Variants in EPHA3 observed in about 807,000 individuals in gnomAD.
EPHA3 encodes EPH receptor A3, also known as ephrin type-A receptor 3.
A neutral mutation model predicts 107.1 loss-of-function variants in EPHA3; 42 were observed. That is an observed-to-expected ratio of 0.39 (90% confidence interval 0.31 to 0.51). The LOEUF (loss-of-function observed/expected upper bound fraction) is 0.51, where lower values mean the gene tolerates loss of function less well. Ranked by LOEUF, EPHA3 falls within the 20% of genes least tolerant of loss-of-function variation. EPHA3 has a pLI of 0.78. For synonymous variants in EPHA3, 461 were observed against 424.8 expected, an observed-to-expected ratio of 1.09 and a Z score of -1.05; for missense variants, 1,183 against 1,211.2, an observed-to-expected ratio of 0.98 and a Z score of 0.35.
At chr3:89,296,275 G>A (rs1338499716) in intron 3 of EPHA3, among the ~76,000 whole-genome samples, 1 of 152,088 alleles carries the variant, frequency 6.6e-6, no homozygotes, top group Non-Finnish European at 1.5e-5. Flanking sequence ...ATTTGTCAGA[G>A]GAATCACTAT....
intron 2 of EPHA3, among the ~76,000 whole-genome samples, chr3:89,141,584 G>A (rs1342448894): frequency 6.6e-6 from 1 of 151,524 alleles, no homozygotes; most frequent in Non-Finnish European, 1.5e-5. Context: ...CCTTGCTAAT[G>A]GTGCTTGTCC....
At chr3:89,433,998 G>A (rs567276560) in intron 13 of EPHA3, among the ~76,000 whole-genome samples, 1 of 152,132 alleles carries the variant, frequency 6.6e-6, no homozygotes, top group Non-Finnish European at 1.5e-5. Context: ...CTTTTTCTAA[G>A]GCTATCCCTC....
At chr3:89,402,023 C>A (rs912443993) in intron 7 of EPHA3, among the ~76,000 whole-genome samples, 1 of 152,148 alleles carries the variant, frequency 6.6e-6, no homozygotes, top group African/African-American at 2.4e-5. Context: ...AGGCAAAAAG[C>A]TCAGATCACT....
chr3:89,335,718 A>C (rs1707377929), intron 3 of EPHA3, among the ~76,000 whole-genome samples: 1 of 152,198 alleles, frequency 6.6e-6, no homozygotes, highest in Non-Finnish European at 1.5e-5. Flanking sequence ...ATCTTCTTAC[A>C]AAATGGGAGA....
intron 2 of EPHA3, among the ~76,000 whole-genome samples, chr3:89,173,235 T>C (rs770242281): frequency 2.6e-4 from 39 of 152,136 alleles, no homozygotes; most frequent in Non-Finnish European, 5.3e-4. Context: ...TTGTATCCTT[T>C]GTTTGTTTTG....
At chr3:89,212,677 C>A (rs1384868539) in intron 3 of EPHA3, among the ~76,000 whole-genome samples, 2 of 151,562 alleles carry the variant, frequency 1.3e-5, no homozygotes, top group Non-Finnish European at 2.9e-5. Flanking sequence ...GATGAGGACG[C>A]TAATGGCTTT....
At chr3:89,370,235 T>TA (rs1352962567) in intron 5 of EPHA3, among the ~76,000 whole-genome samples, 4 of 148,286 alleles carry the variant, frequency 2.7e-5, no homozygotes, top group African/African-American at 9.7e-5. Flanking sequence ...ATATTCACCA[T>TA]AGCAAAGACT....
At chr3:89,325,475 T>C (rs1357168963) in intron 3 of EPHA3, among the ~76,000 whole-genome samples, 2 of 152,148 alleles carry the variant, frequency 1.3e-5, no homozygotes, top group Non-Finnish European at 1.5e-5. Context: ...TAACACTTAA[T>C]GTAGAAAAAC....
rs1164056787 is a variant in EPHA3, at chr3:89,160,548, TTGTGTGTG to T, written c.153+33310_153+33317del. On this transcript the variant is annotated intron_variant, in intron 2 of 16. Transcript: ENST00000336596. ...AGTCAGAGAAAAGTAATATTAGATT[TTGTGTGTG>T]TGTGTGTGTGTGTGTGTGTGTGTGT... Among the ~76,000 whole-genome samples, 83 of 120,538 alleles carry T rather than the reference TTGTGTGTG, an allele frequency of 6.9e-4. 1 individual carries two copies. The East Asian group carries it at 0.014, about 21-fold the overall frequency. The allele number at this position is 120,538 out of a possible 152,430, so 79.1% of individuals were successfully genotyped here.
chr3:89,477,537 T>C (rs1440343365), intron 16 of EPHA3, among the ~76,000 whole-genome samples: 2 of 152,168 alleles, frequency 1.3e-5, no homozygotes, highest in East Asian at 3.9e-4. Flanking sequence ...AAGAAATCGA[T>C]TAATCCATTT....
At chr3:89,447,730 G>C (rs1709903795) in intron 13 of EPHA3, among the ~76,000 whole-genome samples, 1 of 152,126 alleles carries the variant, frequency 6.6e-6, no homozygotes. Context: ...CTAGGAAGAA[G>C]ACTAAATATT....
intron 3 of EPHA3, among the ~76,000 whole-genome samples, chr3:89,307,457 G>T (rs1706650778): frequency 6.6e-6 from 1 of 152,194 alleles, no homozygotes; most frequent in Admixed American, 6.5e-5. Context: ...AACTGGTTAA[G>T]TGTGTGGAAA....
At chr3:89,152,515 AC>A (rs1704710939) in intron 2 of EPHA3, among the ~76,000 whole-genome samples, 3 of 152,140 alleles carry the variant, frequency 2.0e-5, no homozygotes, top group South Asian at 4.1e-4. Context: ...ATACTGTTAA[AC>A]TTTTTAGGGA....
At chr3:89,275,830 A>G (rs1259531910) in intron 3 of EPHA3, among the ~76,000 whole-genome samples, 2 of 152,138 alleles carry the variant, frequency 1.3e-5, no homozygotes, top group African/African-American at 4.8e-5. Flanking sequence ...ACTAAAAGCT[A>G]CGAACTTTGC....
intron 3 of EPHA3, among the ~76,000 whole-genome samples, chr3:89,265,775 C>T (rs879140198): frequency 2.0e-5 from 3 of 152,016 alleles, no homozygotes; most frequent in Admixed American, 1.3e-4. Context: ...AGTACATTCT[C>T]GGTAACTGTC....
intron 5 of EPHA3, among the ~76,000 whole-genome samples, chr3:89,366,525 A>T (rs1256948460): frequency 2.0e-5 from 3 of 150,950 alleles, no homozygotes; most frequent in African/African-American, 7.3e-5. Flanking sequence ...ATTCTTGAGA[A>T]AGATCTTAAA....
At chr3:89,316,113 T>A (rs901462860) in intron 3 of EPHA3, among the ~76,000 whole-genome samples, 2 of 151,646 alleles carry the variant, frequency 1.3e-5, no homozygotes, top group African/African-American at 4.8e-5. Flanking sequence ...GGACAGAATA[T>A]GAAAAAGAAA....
intron 5 of EPHA3, 132 bp downstream of exon 5, chr3:89,342,222 T>C (rs1707546282): frequency 1.5e-6 from 1 of 681,012 alleles, no homozygotes; most frequent in African/African-American, 1.8e-5. Context: ...CTAACACATT[T>C]AAACAGTTAT....
At chr3:89,355,139 CT>C (rs767970281) in intron 5 of EPHA3, among the ~76,000 whole-genome samples, 2 of 150,748 alleles carry the variant, frequency 1.3e-5, no homozygotes, top group Non-Finnish European at 3.0e-5. Flanking sequence ...AAATCTGTCT[CT>C]GGTCACAAGT....
Sources: allele counts gnomAD v4.1 joint callset (sites outside exome capture counted in the v4.1 genomes callset), GRCh38; gene constraint gnomAD v4.1.1; transcripts MANE v1.5; gene names NCBI Gene and HGNC (gene_info 2026-07-23, HGNC 2026-07-21).